The following ZMAT3 variants were observed in gnomAD, a reference collection of about 807,000 sequenced individuals.
The protein encoded by ZMAT3 is zinc finger matrin-type 3.
ZMAT3 carries 17 observed loss-of-function variants against 32.3 expected under a neutral mutation model. The observed-to-expected ratio is 0.53, with a 90% CI of 0.36 to 0.79. ZMAT3 has a LOEUF of 0.79. ZMAT3 is among the 30% of genes least tolerant of loss of function. The pLI is 0.00. For missense variants in ZMAT3, 329 were observed against 359.7 expected, an observed-to-expected ratio of 0.91 and a Z score of 0.69; for synonymous variants, 120 against 133.1, an observed-to-expected ratio of 0.90 and a Z score of 0.68.
chr3:179,068,293 G>C (rs1721525442), intron 1 of ZMAT3, among the ~76,000 whole-genome samples: 1 of 151,986 alleles, frequency 6.6e-6, no homozygotes, highest in Non-Finnish European at 1.5e-5. Context: ...GATCACCTGA[G>C]GTCAGGAGTT....
At position 179,019,800 on chromosome 3, in the gene ZMAT3, C is replaced by T. The variant is rs1211430126; in HGVS notation, c.*5217G>A. On this transcript the variant is annotated 3_prime_UTR_variant, in exon 6 of 6. Coordinates refer to ENST00000311417, the MANE Select transcript of ZMAT3 (RefSeq NM_022470.4). ...TTAATAATTATTGTGCCAGTCTCTT[C>T]GCTTTAGCTGCAAATACATAATTTT... 2 of 152,096 alleles carry T rather than the reference C, an allele frequency of 1.3e-5. No homozygotes were observed. Among genetic ancestry groups the T allele is most frequent in the South Asian group, 2.1e-4 (1 of 4,832 alleles). The allele number at this position is 152,096 out of a possible 1,614,324, so 9.4% of individuals were successfully genotyped here. A position where few individuals can be genotyped will look rare whatever the true frequency, so the allele number is the denominator to read the frequency against.
rs552902412 is a variant in ZMAT3 at position 179,030,556 on chromosome 3, G to A, written c.390+324C>T. ...TTTTTAATTGGGACAGGGTTTCACC[G>A]TGTTAGCCATGATGGTCTCGATCTC... On this transcript the variant is annotated intron_variant, in intron 3 of 5. Transcript: ENST00000311417. Among the ~76,000 whole-genome samples, 13 of 152,108 alleles carry A rather than the reference G, an allele frequency of 8.5e-5. No individual in the cohort carries two copies. In the East Asian group the frequency reaches 1.2e-3, roughly 14 times the overall value.
chr3:179,067,022 T>A (rs1030959680), intron 2 of ZMAT3, among the ~76,000 whole-genome samples: 2 of 152,198 alleles, frequency 1.3e-5, no homozygotes, highest in African/African-American at 4.8e-5. Context: ...ATGGAAAGCA[T>A]AAGAGTCATG....
At position 179,057,580 on chromosome 3, in the gene ZMAT3, T is replaced by A. The variant is rs1720913724; in HGVS notation, c.270+9903A>T. 2.6e-5 allele frequency among the ~76,000 whole-genome samples: 4 copies of A among 152,206 alleles called. No individual in the cohort carries two copies. The South Asian group carries it at 8.3e-4, about 32-fold the overall frequency. On this transcript the variant is annotated intron_variant, in intron 2 of 5. Coordinates refer to ENST00000311417, the MANE Select transcript of ZMAT3 (RefSeq NM_022470.4). ...CTTTTAGCTGCCCATTCAGAAACCT[T>A]GTGCCATCAAGCCACCCAAGCACTC...
Position 179,058,755 on chromosome 3 carries a change from CAAAAAAA to C in ZMAT3, c.270+8721_270+8727del, listed in dbSNP as rs56006230. On this transcript the variant is annotated intron_variant, in intron 2 of 5. Transcript: ENST00000311417. The stretch of plus-strand genomic sequence containing the variant: ...TGGGCGACAGAGCGAGACTCCGTCT[CAAAAAAA>C]AAAAAAAAAAAGAAAAAAGAAAAAG... Among the ~76,000 whole-genome samples the C allele has an allele frequency of 5.2e-3, 356 of 68,228 alleles. 1 individual carries two copies. The highest frequency in any genetic ancestry group is 8.8e-3 in the Non-Finnish European group (293 of 33,146). The allele number at this position is 68,228 out of a possible 152,430, so 44.8% of individuals were successfully genotyped here.
At chr3:179,057,358 G>A (rs1720901181) in intron 2 of ZMAT3, among the ~76,000 whole-genome samples, 1 of 140,446 alleles carries the variant, frequency 7.1e-6, no homozygotes, top group Admixed American at 7.6e-5. Context: ...TGCCTTTTTT[G>A]CATCCCTGTA....
At chr3:179,058,585 T>C (rs1423620101) in intron 2 of ZMAT3, among the ~76,000 whole-genome samples, 1 of 151,760 alleles carries the variant, frequency 6.6e-6, no homozygotes, top group African/African-American at 2.4e-5. Flanking sequence ...TGAAACCCCG[T>C]CTCTACTAAA....
chr3:179,043,079 C>G (rs1241012545), intron 2 of ZMAT3, among the ~76,000 whole-genome samples: 2 of 152,146 alleles, frequency 1.3e-5, no homozygotes, highest in Non-Finnish European at 2.9e-5. Context: ...AAAGAGGACA[C>G]AAACAAATGG....
rs1177829489 is a variant in ZMAT3 at position 179,023,696 on chromosome 3, C to CTATATATATATATATATA, written c.*1320_*1321insTATATATATATATATATA. 2 of 27,384 alleles carry CTATATATATATATATATA rather than the reference C, an allele frequency of 7.3e-5. 1 individual carries two copies. The highest frequency in any genetic ancestry group is 3.3e-4 in the African/African-American group (2 of 5,978). The allele number at this position is 27,384 out of a possible 1,614,324, so 1.7% of individuals were successfully genotyped here. On this transcript the variant is annotated 3_prime_UTR_variant, in exon 6 of 6. Transcript: ENST00000311417. ...TCCTAAAAACTGCTGGAAAATATAT[C>CTATATATATATATATATA]TATATATATATATATTTTTTTTTTT...
intron 2 of ZMAT3, among the ~76,000 whole-genome samples, chr3:179,060,554 G>A (rs1721104263): frequency 6.6e-6 from 1 of 152,146 alleles, no homozygotes; most frequent in African/African-American, 2.4e-5. Context: ...TGAGACAGGA[G>A]AATCGCTTAA....
chr3:179,057,864 T>G (rs1308817125), intron 2 of ZMAT3, among the ~76,000 whole-genome samples: 2 of 152,200 alleles, frequency 1.3e-5, no homozygotes, highest in Admixed American at 6.5e-5. Flanking sequence ...TTAAGGAAAC[T>G]CAGAAAGCCA....
At chr3:179,026,774 T>C (rs1718899138) in intron 5 of ZMAT3, among the ~76,000 whole-genome samples, 2 of 152,148 alleles carry the variant, frequency 1.3e-5, no homozygotes, top group Admixed American at 6.5e-5. Context: ...ACTGTTCAAG[T>C]AAATGACCTC....
At chr3:179,039,805 C>G (rs901948054) in intron 2 of ZMAT3, among the ~76,000 whole-genome samples, 6 of 152,110 alleles carry the variant, frequency 3.9e-5, no homozygotes, top group Non-Finnish European at 7.3e-5. Flanking sequence ...ATGTTCGAAC[C>G]CATCGCAAGG....
chr3:179,057,990 T>C (rs1302322075), intron 2 of ZMAT3, among the ~76,000 whole-genome samples: 2 of 152,182 alleles, frequency 1.3e-5, no homozygotes. Flanking sequence ...TTTCTTTATA[T>C]GTCACAGAAA....
intron 2 of ZMAT3, among the ~76,000 whole-genome samples, chr3:179,053,552 G>A (rs936324312): frequency 6.6e-6 from 1 of 152,140 alleles, no homozygotes; most frequent in Admixed American, 6.5e-5. Flanking sequence ...TATAACATTT[G>A]TTGAACACAA....
chr3:179,056,445 T>C (rs929959779), intron 2 of ZMAT3, among the ~76,000 whole-genome samples: 1 of 152,164 alleles, frequency 6.6e-6, no homozygotes, highest in African/African-American at 2.4e-5. Context: ...CAGTGCGGTC[T>C]ACAAGGACAC....
At chr3:179,056,400 G>T (rs948170651) in intron 2 of ZMAT3, among the ~76,000 whole-genome samples, 1 of 152,076 alleles carries the variant, frequency 6.6e-6, no homozygotes, top group Non-Finnish European at 1.5e-5. Flanking sequence ...AAAGGGAAAA[G>T]CTGGGCAAAT....
At chr3:179,072,264 C>T (rs1412043489), upstream of ZMAT3, 1 of 152,702 alleles carries the variant, frequency 6.5e-6, no homozygotes, top group Admixed American at 6.5e-5. Context: ...CTCCCCACTT[C>T]CGCCCCAGGA....
chr3:179,066,302 TAACTC>T (rs1721414176), intron 2 of ZMAT3, among the ~76,000 whole-genome samples: 1 of 152,142 alleles, frequency 6.6e-6, no homozygotes, highest in Non-Finnish European at 1.5e-5. Flanking sequence ...GAGATATAAT[TAACTC>T]AACTCTCTGC....
Sources: allele counts gnomAD v4.1 joint callset (sites outside exome capture counted in the v4.1 genomes callset), GRCh38; gene constraint gnomAD v4.1.1; transcripts MANE v1.5; gene names NCBI Gene and HGNC (gene_info 2026-07-23, HGNC 2026-07-21).